The following AFF3 variants were observed in gnomAD, a reference collection of about 807,000 sequenced individuals.
AFF3 encodes AF4/FMR2 family member 3.
In AFF3, 32 loss-of-function variants were observed where a neutral mutation model predicts 129.7. That is an observed-to-expected ratio of 0.25 (90% CI 0.19 to 0.33). The LOEUF is 0.33. Among genes scored for constraint, AFF3 ranks in the 10% least tolerant of loss-of-function variants. The pLI is 1.00. For missense variants in AFF3, 1,373 were observed against 1,592.0 expected (o/e 0.86, Z 2.34); for synonymous variants, 644 against 635.4 (o/e 1.01, Z -0.20).
At chr2:100,092,007 C>T (rs1266643328) in intron 4 of AFF3, among the ~76,000 whole-genome samples, 1 of 148,998 alleles carries the variant, frequency 6.7e-6, no homozygotes, top group Non-Finnish European at 1.5e-5. Context: ...TCATTCTCTC[C>T]TCCTCCGCCC....
At position 99,636,087 on chromosome 2, in the gene AFF3, C is replaced by T. The variant is rs561660460; in HGVS notation, c.1184+13539G>A. On this transcript the variant is annotated intron_variant, in intron 13 of 24. Coordinates refer to ENST00000672756, the MANE Select transcript of AFF3 (RefSeq NM_001386135.1). The stretch of plus-strand genomic sequence containing the variant: ...TCAAAGAGAACCTGGACCTCCTTCA[C>T]GTAGTCCCTCAGATGACTACACCTT... 3.7e-4 allele frequency among the ~76,000 whole-genome samples: 56 copies of T among 152,332 alleles called. 1 individual carries two copies. In the South Asian group the frequency reaches 0.011, roughly 29 times the overall value.
intron 7 of AFF3, among the ~76,000 whole-genome samples, chr2:99,872,218 A>G (rs1253566800): frequency 6.6e-6 from 1 of 151,268 alleles, no homozygotes; most frequent in Non-Finnish European, 1.5e-5. Flanking sequence ...AAAAAAAAAA[A>G]AAAAAAAAAA....
Position 99,855,176 on chromosome 2 carries a change from A to G in AFF3, c.874-17652T>C, listed in dbSNP as rs189089267. Among the ~76,000 whole-genome samples, 34 of 152,342 alleles carry G rather than the reference A, an allele frequency of 2.2e-4. No homozygotes were observed. In the East Asian group the frequency reaches 6.0e-3, roughly 27 times the overall value. On this transcript the variant is annotated intron_variant, in intron 7 of 24. Coordinates refer to ENST00000672756, the MANE Select transcript of AFF3 (RefSeq NM_001386135.1). The stretch of plus-strand genomic sequence containing the variant: ...CTTTTCTTCTTCAAAAAACTGTGAA[A>G]AAATGAAGATATAAAGGGTAAAGGG...
chr2:99,857,848 A>G (rs1576202659), intron 7 of AFF3, among the ~76,000 whole-genome samples: 1 of 152,188 alleles, frequency 6.6e-6, no homozygotes, highest in East Asian at 1.9e-4. Flanking sequence ...ATGGAATTCA[A>G]GATCTCATTA....
intron 7 of AFF3, among the ~76,000 whole-genome samples, chr2:99,898,859 G>C (rs1264788214): frequency 1.3e-5 from 2 of 152,152 alleles, no homozygotes; most frequent in Admixed American, 6.5e-5. Flanking sequence ...TCTCGCTTTG[G>C]CCAACGCTGA....
chr2:99,889,861 T>C (rs2106071992), intron 7 of AFF3, among the ~76,000 whole-genome samples: 1 of 152,270 alleles, frequency 6.6e-6, no homozygotes, highest in East Asian at 1.9e-4. Flanking sequence ...GGTTTCTCCA[T>C]GTTGGCCAGG....
At chr2:100,014,783 C>CTTTTTT (rs60456923) in intron 4 of AFF3, among the ~76,000 whole-genome samples, 1 of 120,404 alleles carries the variant, frequency 8.3e-6, no homozygotes, top group Non-Finnish European at 1.7e-5. Context: ...ACCTTGCTTC[C>CTTTTTT]TTTTTTTTTT....
intron 7 of AFF3, among the ~76,000 whole-genome samples, chr2:99,937,376 C>T (rs1576384884): frequency 6.6e-6 from 1 of 152,050 alleles, no homozygotes; most frequent in South Asian, 2.1e-4. Flanking sequence ...CATATAAAGG[C>T]CATAGAATTT....
chr2:99,734,712 C>A (rs1040113554), intron 10 of AFF3, among the ~76,000 whole-genome samples: 2 of 151,808 alleles, frequency 1.3e-5, no homozygotes, highest in Non-Finnish European at 2.9e-5. Flanking sequence ...AAAATAAGTA[C>A]AGTTTCTTAA....
Position 99,593,769 on chromosome 2 carries a change from C to G in AFF3, c.1892G>C (p.Gly631Ala), listed in dbSNP as rs772809037. 1.2e-6 allele frequency: 2 copies of G among 1,612,594 alleles called. No individual in the cohort carries two copies. The highest frequency in any genetic ancestry group is 3.3e-5 in the Admixed American group (2 of 60,010). ...PPEPTKTRPC[G>A]NNRASHRKEL... ...CTTGCGGTGGCTCGCTCTGTTGTTGCCACAGGGCCTGGTTTTGGTGGGCTC... is the reference window on the plus strand; with the variant it reads ...CTTGCGGTGGCTCGCTCTGTTGTTGGCACAGGGCCTGGTTTTGGTGGGCTC... The change falls in exon 15 of 25, where the codon GGC (glycine) becomes GCC (alanine). Residue 631 changes from glycine to alanine, a missense_variant. This residue lies in a region of AFF3 where 466 missense variants were observed against 505.0 expected (regional missense o/e 0.92). Coordinates refer to ENST00000672756, the MANE Select transcript of AFF3 (RefSeq NM_001386135.1).
chr2:99,979,325 A>G (rs1364377754), intron 7 of AFF3, among the ~76,000 whole-genome samples: 1 of 152,226 alleles, frequency 6.6e-6, no homozygotes, highest in Non-Finnish European at 1.5e-5. Flanking sequence ...CTCTTGAAGA[A>G]AAGGGGTAAG....
chr2:99,624,914 C>T (rs1431599183), intron 13 of AFF3, among the ~76,000 whole-genome samples: 1 of 152,212 alleles, frequency 6.6e-6, no homozygotes, highest in Non-Finnish European at 1.5e-5. Context: ...GCATACGGCT[C>T]CACCCTACCG....
At chr2:99,579,491 A>G (rs1677322628) in intron 17 of AFF3, among the ~76,000 whole-genome samples, 1 of 152,130 alleles carries the variant, frequency 6.6e-6, no homozygotes, top group African/African-American at 2.4e-5. Flanking sequence ...AGGCCAAGGC[A>G]GGTAGATTAC....
At chr2:99,955,032 G>A (rs189846138) in intron 7 of AFF3, among the ~76,000 whole-genome samples, 86 of 151,832 alleles carry the variant, frequency 5.7e-4, no homozygotes, top group African/African-American at 1.9e-3. Flanking sequence ...AGTATAGAGA[G>A]GATAGATTTC....
intron 13 of AFF3, among the ~76,000 whole-genome samples, chr2:99,638,667 G>A (rs1376695931): frequency 6.6e-6 from 1 of 152,192 alleles, no homozygotes; most frequent in Admixed American, 6.5e-5. Context: ...ACCCAGGAAA[G>A]AGAACATGGG....
intron 7 of AFF3, among the ~76,000 whole-genome samples, chr2:99,855,881 T>C (rs1460323293): frequency 2.0e-5 from 3 of 152,192 alleles, no homozygotes; most frequent in African/African-American, 7.2e-5. Context: ...CTAAGTCATA[T>C]TGATAGTATG....
intron 7 of AFF3, among the ~76,000 whole-genome samples, chr2:99,958,772 T>A (rs757071823): frequency 6.6e-6 from 1 of 151,840 alleles, no homozygotes; most frequent in African/African-American, 2.4e-5. Flanking sequence ...GAGAAACAGA[T>A]AGGATTTTGG....
chr2:99,779,019 C>G (rs1255193807), intron 8 of AFF3, among the ~76,000 whole-genome samples: 1 of 151,496 alleles, frequency 6.6e-6, no homozygotes, highest in Non-Finnish European at 1.5e-5. Context: ...AATTTGGATG[C>G]CTTTTCTTTT....
intron 4 of AFF3, among the ~76,000 whole-genome samples, chr2:100,022,450 C>T (rs965831685): frequency 6.6e-6 from 1 of 152,060 alleles, no homozygotes; most frequent in South Asian, 2.1e-4. Context: ...TCACTCTATC[C>T]CCCCGGCTGG....
Sources: allele counts gnomAD v4.1 joint callset (sites outside exome capture counted in the v4.1 genomes callset), GRCh38; gene constraint gnomAD v4.1.1; regional missense constraint gnomAD v4.1.1; transcripts MANE v1.5; gene names NCBI Gene and HGNC (gene_info 2026-07-23, HGNC 2026-07-21).